Variants in GLTP observed in about 807,000 individuals in gnomAD.
The protein encoded by GLTP is glycolipid transfer protein.
Under a neutral mutation model 24.0 loss-of-function variants are expected in GLTP, and 22 were observed. That is an observed-to-expected ratio of 0.92 (90% CI 0.65 to 1.31). The LOEUF is 1.31. Among genes scored for constraint, GLTP ranks in the 50% most tolerant of loss-of-function variants. The probability of loss-of-function intolerance (pLI) is 0.00; values close to 1 mark genes in which losing one functional copy is unlikely to be tolerated. For synonymous variants in GLTP, 92 were observed against 115.9 expected, an observed-to-expected ratio of 0.79 and a Z score of 1.33; for missense variants, 224 against 276.6, an observed-to-expected ratio of 0.81 and a Z score of 1.35.
At chr12:109,877,586 C>T (rs924346308) in intron 1 of GLTP, among the ~76,000 whole-genome samples, 47 of 152,094 alleles carry the variant, frequency 3.1e-4, no homozygotes, top group Non-Finnish European at 6.6e-4. Flanking sequence ...GCCCCACCAC[C>T]ACAAAGAATG....
At chr12:109,869,644 G>A (rs1245646297) in intron 1 of GLTP, among the ~76,000 whole-genome samples, 2 of 146,966 alleles carry the variant, frequency 1.4e-5, no homozygotes, top group Non-Finnish European at 3.0e-5. Flanking sequence ...TTGTTTTTTT[G>A]TATTTTAGTA....
intron 1 of GLTP, among the ~76,000 whole-genome samples, chr12:109,877,521 C>T (rs551896466): frequency 1.1e-4 from 17 of 152,232 alleles, no homozygotes; most frequent in African/African-American, 3.1e-4. Context: ...GTGCTACTGG[C>T]GTCTGGTAGG....
chr12:109,867,258 C>T (rs1040485021), intron 1 of GLTP, among the ~76,000 whole-genome samples: 1 of 152,142 alleles, frequency 6.6e-6, no homozygotes, highest in African/African-American at 2.4e-5. Context: ...AAGCAATTCT[C>T]GTGCCTCAGC....
intron 1 of GLTP, chr12:109,859,742 G>A: frequency 6.4e-6 from 1 of 155,216 alleles, no homozygotes. Flanking sequence ...GTCTTTGGGG[G>A]AATTTGATGC....
intron 4 of GLTP, among the ~76,000 whole-genome samples, chr12:109,853,882 A>G (rs1436340439): frequency 6.6e-6 from 1 of 150,710 alleles, no homozygotes; most frequent in Non-Finnish European, 1.5e-5. Flanking sequence ...AGCTGGGACT[A>G]CAGGTGCCCG....
intron 1 of GLTP, among the ~76,000 whole-genome samples, chr12:109,867,573 A>C (rs1740874753): frequency 6.6e-6 from 1 of 152,222 alleles, no homozygotes; most frequent in Non-Finnish European, 1.5e-5. Flanking sequence ...GACAAGGGCT[A>C]TCTGGGGCCT....
chr12:109,877,899 A>G (rs1473286890), intron 1 of GLTP, among the ~76,000 whole-genome samples: 1 of 152,232 alleles, frequency 6.6e-6, no homozygotes, highest in African/African-American at 2.4e-5. Flanking sequence ...ACAGAAGAGA[A>G]TAATGGTTCA....
In GLTP at chr12:109,872,487, G is replaced by T. The variant is rs143208802; in HGVS notation, c.103+7785C>A. Reference sequence around the variant, plus strand: ...ACTCAAAGTGACTTCTCCCCTCTGAGCCTCAAAAACAGCCGACTCATGGGC... The same window carrying T: ...ACTCAAAGTGACTTCTCCCCTCTGATCCTCAAAAACAGCCGACTCATGGGC... On this transcript the variant is annotated intron_variant, in intron 1 of 4. Transcript: ENST00000318348. Among the ~76,000 whole-genome samples the T allele has an allele frequency of 2.5e-3, 376 of 152,256 alleles. 2 individuals carry two copies. Among genetic ancestry groups the T allele is most frequent in the African/African-American group, 8.7e-3 (360 of 41,536 alleles).
intron 1 of GLTP, among the ~76,000 whole-genome samples, chr12:109,864,445 C>G (rs1306835372): frequency 6.6e-6 from 1 of 152,194 alleles, no homozygotes; most frequent in Non-Finnish European, 1.5e-5. Context: ...GTGACTTAAC[C>G]ACTCCAGGTT....
chr12:109,876,207 G>C (rs1868873889), intron 1 of GLTP, among the ~76,000 whole-genome samples: 1 of 152,146 alleles, frequency 6.6e-6, no homozygotes, highest in Non-Finnish European at 1.5e-5. Flanking sequence ...GCTGGGCATA[G>C]AGTCATGTGC....
chr12:109,873,876 G>A (rs566030410), intron 1 of GLTP, among the ~76,000 whole-genome samples: 1 of 152,174 alleles, frequency 6.6e-6, no homozygotes, highest in South Asian at 2.1e-4. Context: ...CCCACAAGAC[G>A]ATTTCAACAC....
At chr12:109,871,325 T>A (rs1455047692) in intron 1 of GLTP, among the ~76,000 whole-genome samples, 1 of 152,078 alleles carries the variant, frequency 6.6e-6, no homozygotes, top group African/African-American at 2.4e-5. Context: ...GACCTCGTGA[T>A]CTACCCGCTT....
At chr12:109,853,687 C>CA (rs1194984784) in intron 4 of GLTP, among the ~76,000 whole-genome samples, 3,750 of 79,362 alleles carry the variant, frequency 0.047, 94 homozygotes, top group African/African-American at 0.11. Flanking sequence ...GACTCCGTTT[C>CA]AAAAAAAAAA....
At chr12:109,871,081 C>CTTTTTTTTTTTTTTTTTTTTTTTTT (rs965998479) in intron 1 of GLTP, among the ~76,000 whole-genome samples, 1 of 114,434 alleles carries the variant, frequency 8.7e-6, no homozygotes, top group African/African-American at 3.4e-5. Flanking sequence ...CATTTCCATT[C>CTTTTTTTTTTTTTTTTTTTTTTTTT]TTTTTTTTTT....
chr12:109,872,763 G>A (rs1468009199), intron 1 of GLTP, among the ~76,000 whole-genome samples: 1 of 152,188 alleles, frequency 6.6e-6, no homozygotes, highest in Non-Finnish European at 1.5e-5. Flanking sequence ...GACATTATTT[G>A]TTTCATCTTC....
In GLTP at chr12:109,870,206, C is replaced by T. The variant is rs551132118; in HGVS notation, c.103+10066G>A. Among the ~76,000 whole-genome samples the T allele has an allele frequency of 2.6e-5, 4 of 152,270 alleles. No individual in the cohort carries two copies. In the East Asian group the frequency reaches 5.8e-4, roughly 22 times the overall value. ...TTAGGCTGGGCACCATGGCTCAGGCCTGTAATCCCAGCACTTTGGGAGGCT... is the reference window on the plus strand; with the variant it reads ...TTAGGCTGGGCACCATGGCTCAGGCTTGTAATCCCAGCACTTTGGGAGGCT... On this transcript the variant is annotated intron_variant, in intron 1 of 4. Transcript: ENST00000318348.
intron 1 of GLTP, among the ~76,000 whole-genome samples, chr12:109,879,728 G>A (rs1248557857): frequency 2.0e-5 from 3 of 152,170 alleles, no homozygotes; most frequent in African/African-American, 4.8e-5. Context: ...TGGAGGGGGA[G>A]ATGGGAGTCT....
At chr12:109,868,316 T>C (rs1380129898) in intron 1 of GLTP, among the ~76,000 whole-genome samples, 1 of 150,424 alleles carries the variant, frequency 6.6e-6, no homozygotes, top group East Asian at 1.9e-4. Flanking sequence ...CGACCTCATT[T>C]CCTCTTTTTC....
rs1892780039 is a variant in GLTP, at chr12:109,855,307, T to A, written c.447+312A>T. On this transcript the variant is annotated intron_variant, in intron 4 of 4. Coordinates refer to ENST00000318348, the MANE Select transcript of GLTP (RefSeq NM_016433.4). This position sits in a 1 kb window ranked among gnomAD's most constrained non-coding sequence, Gnocchi z 4.1. ...CCATCAGGCTGGGCCACTTTTGACC[T>A]GGGGTCCTCCAGGGCTTTCCCTGTG... Among the ~76,000 whole-genome samples the A allele has an allele frequency of 6.6e-6, 1 of 152,194 alleles. No homozygotes were observed. Among genetic ancestry groups the A allele is most frequent in the African/African-American group, 2.4e-5 (1 of 41,458 alleles).
Sources: allele counts gnomAD v4.1 joint callset (sites outside exome capture counted in the v4.1 genomes callset), GRCh38; gene constraint gnomAD v4.1.1; non-coding constraint Gnocchi (gnomAD v3.1); transcripts MANE v1.5; gene names NCBI Gene and HGNC (gene_info 2026-07-23, HGNC 2026-07-21).